Variants in LRSAM1 observed in about 807,000 individuals in gnomAD.
LRSAM1 encodes leucine rich repeat and sterile alpha motif containing 1, also known as E3 ubiquitin-protein ligase LRSAM1.
A neutral mutation model predicts 118.1 loss-of-function variants in LRSAM1; 96 were observed. The observed-to-expected ratio is 0.81, with a 90% CI of 0.69 to 0.96. The LOEUF (loss-of-function observed/expected upper bound fraction) is 0.96, where lower values mean the gene tolerates loss of function less well. Among genes scored for constraint, LRSAM1 ranks in the 40% least tolerant of loss-of-function variants. The probability of loss-of-function intolerance (pLI) is 0.00; values close to 1 mark genes in which losing one functional copy is unlikely to be tolerated. For missense variants in LRSAM1, 804 were observed against 915.5 expected (o/e 0.88, Z 1.57); for synonymous variants, 322 against 364.2 (o/e 0.88, Z 1.32).
At chr9:127,494,186 A>G (rs1324243018) in intron 21 of LRSAM1, among the ~76,000 whole-genome samples, 1 of 152,204 alleles carries the variant, frequency 6.6e-6, no homozygotes, top group Non-Finnish European at 1.5e-5. Context: ...GGGCGCTGGA[A>G]GAGAGGGGCT....
At position 127,462,353 on chromosome 9, in the gene LRSAM1, G is replaced by A; in HGVS notation, c.508G>A (p.Ala170Thr). The A allele has an allele frequency of 1.2e-6, 2 of 1,613,972 alleles. No individual in the cohort carries two copies. Among genetic ancestry groups the A allele is most frequent in the Non-Finnish European group, 1.7e-6 (2 of 1,179,952 alleles). Residue 170 changes from alanine (A) to threonine (T), a missense_variant, in exon 9 of 26, where the codon GCT becomes ACT. Physicochemically the swap from Ala to Thr is moderately conservative, Grantham distance 58. Transcript: ENST00000300417. ...GATCCAGAGATTGCCGCAGATGCTG[G>A]CTCACGTTCGAACCCTGGAGGTAAA... ...NEIQRLPQML[A>T]HVRTLEMLSL...
intron 4 of LRSAM1, 149 bp from the exon 5 acceptor site, chr9:127,455,427 C>A: frequency 2.5e-6 from 2 of 810,792 alleles, no homozygotes. Context: ...TGCTTGCCAG[C>A]CTTGCCCCTG....
chr9:127,502,475 A>T (rs1449494565), intron 25 of LRSAM1, among the ~76,000 whole-genome samples: 1 of 152,044 alleles, frequency 6.6e-6, no homozygotes, highest in Non-Finnish European at 1.5e-5. Context: ...ACTTGGGGTC[A>T]GGAGTTCGAG....
chr9:127,461,733 C>T (rs1028013364), intron 8 of LRSAM1, among the ~76,000 whole-genome samples: 10 of 152,230 alleles, frequency 6.6e-5, no homozygotes, highest in African/African-American at 9.6e-5. Context: ...AAGACCACCC[C>T]GTGGGATGGT....
intron 10 of LRSAM1, among the ~76,000 whole-genome samples, chr9:127,468,753 A>G (rs1835050117): frequency 7.0e-6 from 1 of 142,304 alleles, no homozygotes; most frequent in African/African-American, 2.6e-5. Context: ...AGGCAGGAGG[A>G]TCTCGAGCCC....
At position 127,489,494 on chromosome 9, in the gene LRSAM1, G is replaced by A; in HGVS notation, c.1398G>A (p.Leu466=). The change falls in exon 19 of 26, where the codon CTG becomes CTA. Residue 466 remains leucine (L), a synonymous_variant. Coordinates refer to ENST00000300417, the MANE Select transcript of LRSAM1 (RefSeq NM_001005373.4). The stretch of plus-strand genomic sequence containing the variant: ...AGGCACTCCAGGTGAAGAAAGACCT[G>A]ATGCATCGGCAGATCAGGAGCCAGG... The part of the protein sequence containing the change: ...AFEALQVKKD[L]MHRQIRSQIK... 20 of 1,609,738 alleles carry A rather than the reference G, an allele frequency of 1.2e-5. No homozygotes were observed. The highest frequency in any genetic ancestry group is 1.7e-5 in the Non-Finnish European group (20 of 1,178,626).
chr9:127,485,516 A>G (rs964237329), intron 16 of LRSAM1, among the ~76,000 whole-genome samples: 60 of 152,314 alleles, frequency 3.9e-4, no homozygotes, highest in African/African-American at 1.1e-3. Flanking sequence ...AGATCGCACC[A>G]CTGCACTCCA....
rs370037784 is a variant in LRSAM1 at position 127,489,540 on chromosome 9, C to G, written c.1422+22C>G. On this transcript the variant is annotated intron_variant, in intron 19 of 25. Coordinates refer to ENST00000300417, the MANE Select transcript of LRSAM1 (RefSeq NM_001005373.4). ...CCAGGTGAGCGCTGGGGCTGGGGTC[C>G]CTGGACCTGCTCTCTCAGAGACTTG... The G allele has an allele frequency of 2.4e-5, 38 of 1,591,548 alleles. No individual in the cohort carries two copies. The African/African-American group carries it at 3.4e-4, about 14-fold the overall frequency.
At chr9:127,497,807 G>A (rs183626532) in intron 24 of LRSAM1, among the ~76,000 whole-genome samples, 37 of 152,360 alleles carry the variant, frequency 2.4e-4, no homozygotes, top group African/African-American at 7.2e-4. Context: ...GTGGAGTCTG[G>A]GGTCTGCCAT....
chr9:127,463,198 CAAAAAA>C (rs35181083), intron 9 of LRSAM1, among the ~76,000 whole-genome samples: 2 of 98,756 alleles, frequency 2.0e-5, no homozygotes, highest in Admixed American at 1.1e-4. Flanking sequence ...GACTTTGTCT[CAAAAAA>C]AAAAAAAAAA....
chr9:127,458,271 A>G, intron 6 of LRSAM1, among the ~76,000 whole-genome samples: 1 of 151,818 alleles, frequency 6.6e-6, no homozygotes, highest in Non-Finnish European at 1.5e-5. Flanking sequence ...AGTCCCAGCT[A>G]CTCGGGAGGC....
intron 17 of LRSAM1, 64 bp downstream of exon 17, chr9:127,485,899 G>C (rs766761756): frequency 3.3e-6 from 5 of 1,521,578 alleles, no homozygotes; most frequent in Admixed American, 1.7e-5. Flanking sequence ...GCCCAAGACC[G>C]TGGGATGAGA....
intron 21 of LRSAM1, among the ~76,000 whole-genome samples, chr9:127,494,008 G>A (rs988525958): frequency 3.3e-5 from 5 of 152,218 alleles, no homozygotes; most frequent in Non-Finnish European, 7.3e-5. Flanking sequence ...TGTTCCTCAC[G>A]GTGCCCTACT....
intron 15 of LRSAM1, among the ~76,000 whole-genome samples, chr9:127,481,543 C>T (rs542027627): frequency 4.6e-5 from 7 of 152,118 alleles, no homozygotes; most frequent in African/African-American, 1.2e-4. Context: ...CCACTGCTCC[C>T]GGCCAAGGAG....
intron 9 of LRSAM1, among the ~76,000 whole-genome samples, chr9:127,466,463 C>G: frequency 1.1e-5 from 1 of 94,222 alleles, no homozygotes; most frequent in South Asian, 3.9e-4. Context: ...TATTATCTAA[C>G]AAAGGAAGAA....
rs554583477 is a variant in LRSAM1, at chr9:127,491,183, TA to T, written c.1423-23del. ...AAAACTGAACTGTGGTTAATGTGAGTAAAAAAAAACCCTGTCTCGTCTTCTG... is the reference window on the plus strand; with the variant it reads ...AAAACTGAACTGTGGTTAATGTGAGTAAAAAAAACCCTGTCTCGTCTTCTG... On this transcript the variant is annotated intron_variant, in intron 19 of 25. Transcript: ENST00000300417. The T allele has an allele frequency of 2.1e-4, 325 of 1,547,242 alleles. 3 individuals carry two copies. In the East Asian group the frequency reaches 4.7e-3, roughly 22 times the overall value.
At chr9:127,497,571 G>A (rs1836200275) in intron 24 of LRSAM1, among the ~76,000 whole-genome samples, 1 of 152,190 alleles carries the variant, frequency 6.6e-6, no homozygotes, top group Non-Finnish European at 1.5e-5. Flanking sequence ...GCAGTGGAGG[G>A]GCCCTCCCAG....
intron 10 of LRSAM1, chr9:127,470,890 A>C (rs1297743362): frequency 2.6e-5 from 4 of 152,110 alleles, no homozygotes; most frequent in African/African-American, 9.7e-5. Flanking sequence ...GCCCAAAGGC[A>C]GTGAGTTATC....
At chr9:127,486,940 TG>T (rs1564275596) in intron 17 of LRSAM1, among the ~76,000 whole-genome samples, 1 of 151,986 alleles carries the variant, frequency 6.6e-6, no homozygotes, top group African/African-American at 2.4e-5. Context: ...CCCAGCACTT[TG>T]GGAGGCCGAG....
Sources: gnomAD v4.1 joint callset for allele counts (sites outside exome capture counted in the v4.1 genomes callset) on GRCh38, gnomAD v4.1.1 for gene constraint, MANE v1.5 for transcripts, NCBI Gene and HGNC (gene_info 2026-07-23, HGNC 2026-07-21) for gene names.